ABTB2: variants seen among roughly 807,000 people sequenced by gnomAD.
ABTB2 encodes ankyrin repeat and BTB/POZ domain-containing protein 2.
ABTB2 carries 56 observed loss-of-function variants against 104.1 expected under a neutral mutation model. The observed-to-expected ratio is 0.54, with a 90% CI of 0.43 to 0.67. ABTB2 has a LOEUF of 0.67. Among genes scored for constraint, ABTB2 ranks in the 30% least tolerant of loss-of-function variants. The probability of loss-of-function intolerance (pLI) is 0.00; values close to 1 mark genes in which losing one functional copy is unlikely to be tolerated. For missense variants in ABTB2, 1,279 were observed against 1,407.7 expected, an observed-to-expected ratio of 0.91 and a Z score of 1.46; for synonymous variants, 606 against 608.2, an observed-to-expected ratio of 1.00 and a Z score of 0.05.
chr11:34,170,171 T>C (rs1249928524), intron 5 of ABTB2, among the ~76,000 whole-genome samples: 2 of 152,208 alleles, frequency 1.3e-5, no homozygotes, highest in African/African-American at 4.8e-5. Flanking sequence ...TTACTAGTGG[T>C]GTGACCTTAG....
chr11:34,348,955 C>T (rs750955731), intron 1 of ABTB2, among the ~76,000 whole-genome samples: 1 of 152,112 alleles, frequency 6.6e-6, no homozygotes, highest in Non-Finnish European at 1.5e-5. Flanking sequence ...TCTCCATTGC[C>T]TTGGATGTAG....
intron 1 of ABTB2, among the ~76,000 whole-genome samples, chr11:34,309,157 T>C (rs1854819558): frequency 6.6e-6 from 1 of 152,222 alleles, no homozygotes; most frequent in South Asian, 2.1e-4. Flanking sequence ...GGCCTGGCAA[T>C]GTGTTCACAT....
At chr11:34,305,532 T>C (rs1854762006) in intron 1 of ABTB2, among the ~76,000 whole-genome samples, 1 of 152,234 alleles carries the variant, frequency 6.6e-6, no homozygotes, top group Non-Finnish European at 1.5e-5. Context: ...GCACGTTGTA[T>C]AAACATTCCA....
rs185411446 is a variant in ABTB2 at position 34,352,012 on chromosome 11, A to C, written c.883+4689T>G. Among the ~76,000 whole-genome samples, 82 of 152,342 alleles carry C rather than the reference A, an allele frequency of 5.4e-4. 1 individual carries two copies. In the East Asian group the frequency reaches 0.013, roughly 24 times the overall value. The stretch of plus-strand genomic sequence containing the variant: ...CTTGGCTTTAATAAAATGGTTAAAG[A>C]GATAGGAAGCAGCCCTCATCCTTCA... On this transcript the variant is annotated intron_variant, in intron 1 of 16. Transcript: ENST00000435224.
At chr11:34,300,718 G>GA (rs1854694101) in intron 1 of ABTB2, among the ~76,000 whole-genome samples, 1 of 152,112 alleles carries the variant, frequency 6.6e-6, no homozygotes, top group South Asian at 2.1e-4. Flanking sequence ...GAAAACTGGG[G>GA]GGTGGGGGAG....
At chr11:34,339,124 C>T (rs1855231142) in intron 1 of ABTB2, among the ~76,000 whole-genome samples, 1 of 152,158 alleles carries the variant, frequency 6.6e-6, no homozygotes, top group African/African-American at 2.4e-5. Flanking sequence ...TTTTTTAAAA[C>T]ACCATTTCTC....
intron 5 of ABTB2, among the ~76,000 whole-genome samples, chr11:34,170,506 T>G (rs900743973): frequency 1.3e-5 from 2 of 152,248 alleles, no homozygotes; most frequent in Non-Finnish European, 2.9e-5. Context: ...ATCTGTCTCC[T>G]GCACTAAAAT....
intron 3 of ABTB2, among the ~76,000 whole-genome samples, chr11:34,186,704 T>A (rs1853105101): frequency 6.6e-6 from 1 of 152,102 alleles, no homozygotes; most frequent in Non-Finnish European, 1.5e-5. Flanking sequence ...CGGGCCAGGA[T>A]CCTGTCCTGT....
intron 1 of ABTB2, among the ~76,000 whole-genome samples, chr11:34,293,221 C>T (rs1483284692): frequency 1.3e-5 from 2 of 151,974 alleles, no homozygotes; most frequent in African/African-American, 2.4e-5. Flanking sequence ...TTACTGATGT[C>T]GAGGGGGGGC....
At chr11:34,196,564 A>G (rs886586335) in intron 3 of ABTB2, among the ~76,000 whole-genome samples, 1 of 152,160 alleles carries the variant, frequency 6.6e-6, no homozygotes, top group African/African-American at 2.4e-5. Flanking sequence ...AAAAAAAAAG[A>G]AAAGGTATCC....
intron 2 of ABTB2, among the ~76,000 whole-genome samples, chr11:34,199,776 T>C (rs1358168748): frequency 6.6e-6 from 1 of 152,236 alleles, no homozygotes; most frequent in Non-Finnish European, 1.5e-5. Context: ...ACCCTACTGA[T>C]TTTGAGGGCT....
At chr11:34,178,245 A>G (rs1852980503) in intron 3 of ABTB2, among the ~76,000 whole-genome samples, 1 of 152,130 alleles carries the variant, frequency 6.6e-6, no homozygotes, top group Non-Finnish European at 1.5e-5. Flanking sequence ...TGATCCCTTC[A>G]GGCCTTACTC....
chr11:34,197,182 TG>T, intron 3 of ABTB2, 142 bp downstream of exon 3: 1 of 920,036 alleles, frequency 1.1e-6, no homozygotes, highest in African/African-American at 1.6e-5. Flanking sequence ...TCGGAATTCC[TG>T]GGCCACCTCC....
At chr11:34,246,900 T>A (rs1203555885) in intron 1 of ABTB2, among the ~76,000 whole-genome samples, 2 of 146,160 alleles carry the variant, frequency 1.4e-5, no homozygotes, top group Non-Finnish European at 3.0e-5. Flanking sequence ...CAGGCTGGAG[T>A]ACAATGGCAT....
chr11:34,232,981 C>A (rs1052598566), intron 1 of ABTB2, among the ~76,000 whole-genome samples: 1 of 151,542 alleles, frequency 6.6e-6, no homozygotes, highest in South Asian at 2.1e-4. Flanking sequence ...TAACCTCCCC[C>A]CAAAACCCCA....
chr11:34,193,149 C>T (rs1039007512), intron 3 of ABTB2, among the ~76,000 whole-genome samples: 7 of 152,308 alleles, frequency 4.6e-5, no homozygotes, highest in African/African-American at 1.7e-4. Flanking sequence ...AGGAGGCTCC[C>T]GATCTCCCTG....
Position 34,287,628 on chromosome 11 carries a change from A to G in ABTB2, c.883+69073T>C, listed in dbSNP as rs944632041. Reference sequence around the variant, plus strand: ...TTGGTTCCAGTCACCAAATAGACCTACTTCTTCAGAAATCTTCCAATTTTT... The same window carrying G: ...TTGGTTCCAGTCACCAAATAGACCTGCTTCTTCAGAAATCTTCCAATTTTT... On this transcript the variant is annotated intron_variant, in intron 1 of 16. Transcript: ENST00000435224. Among the ~76,000 whole-genome samples, 4 of 152,218 alleles carry G rather than the reference A, an allele frequency of 2.6e-5. 1 individual carries two copies. Among genetic ancestry groups the G allele is most frequent in the Admixed American group, 6.5e-5 (1 of 15,280 alleles).
chr11:34,337,126 G>A (rs985471502), intron 1 of ABTB2, among the ~76,000 whole-genome samples: 2 of 152,220 alleles, frequency 1.3e-5, no homozygotes, highest in African/African-American at 2.4e-5. Flanking sequence ...GAGTGGATTC[G>A]GATGAGTGCT....
intron 3 of ABTB2, among the ~76,000 whole-genome samples, chr11:34,177,979 G>A (rs1409205468): frequency 1.3e-5 from 2 of 152,166 alleles, no homozygotes; most frequent in Non-Finnish European, 2.9e-5. Context: ...GGGCGAGTTC[G>A]TCATTCCTGG....
Sources: gnomAD v4.1 joint callset for allele counts (sites outside exome capture counted in the v4.1 genomes callset) on GRCh38, gnomAD v4.1.1 for gene constraint, MANE v1.5 for transcripts, NCBI Gene and HGNC (gene_info 2026-07-23, HGNC 2026-07-21) for gene names.